Variants in BAALC observed in about 807,000 individuals in gnomAD.
The protein encoded by BAALC is BAALC binder of MAP3K1 and KLF4, also known as brain and acute leukemia cytoplasmic protein.
BAALC carries 9 observed loss-of-function variants against 15.5 expected under a neutral mutation model. The ratio of observed to expected loss-of-function variants is 0.58; its 90% CI spans 0.35 to 1.02. The LOEUF (loss-of-function observed/expected upper bound fraction) is 1.02, where lower values mean the gene tolerates loss of function less well. BAALC is among the 50% of genes least tolerant of loss of function. The pLI, the probability that BAALC is intolerant of heterozygous loss-of-function variation, is 0.02. For missense variants in BAALC, 201 were observed against 192.4 expected (o/e 1.04, Z -0.27); for synonymous variants, 80 against 74.6 (o/e 1.07, Z -0.37).
intron 2 of BAALC, among the ~76,000 whole-genome samples, chr8:103,222,111 A>C (rs971938434): frequency 5.3e-5 from 8 of 152,206 alleles, no homozygotes; most frequent in Non-Finnish European, 1.2e-4. Flanking sequence ...ATCTGCAGAA[A>C]GGAATGTTCA....
At chr8:103,187,076 C>G (rs1355200369) in intron 1 of BAALC, among the ~76,000 whole-genome samples, 1 of 152,112 alleles carries the variant, frequency 6.6e-6, no homozygotes, top group Non-Finnish European at 1.5e-5. Context: ...CCTATTTTTG[C>G]TTTTTCTTCT....
At chr8:103,193,238 C>G (rs749962258) in intron 1 of BAALC, among the ~76,000 whole-genome samples, 1 of 152,162 alleles carries the variant, frequency 6.6e-6, no homozygotes, top group Admixed American at 6.5e-5. Context: ...GTAAACAGAC[C>G]CTGATAGAGC....
chr8:103,208,306 T>C (rs1812374452), intron 1 of BAALC: 2 of 152,200 alleles, frequency 1.3e-5, no homozygotes, highest in South Asian at 4.1e-4. Flanking sequence ...AAGTCTAGAC[T>C]GGGGGGTTAA....
At chr8:103,192,264 C>G (rs1811987966) in intron 1 of BAALC, among the ~76,000 whole-genome samples, 2 of 152,184 alleles carry the variant, frequency 1.3e-5, no homozygotes, top group Non-Finnish European at 2.9e-5. Context: ...ATTGGTCAAG[C>G]TGGTCTCGAA....
In BAALC at chr8:103,182,133, G is replaced by C. The variant is rs1005807046; in HGVS notation, c.161-30786G>C. 3.9e-4 allele frequency among the ~76,000 whole-genome samples: 60 copies of C among 152,058 alleles called. 1 individual carries two copies. Among genetic ancestry groups the C allele is most frequent in the Non-Finnish European group, 5.3e-4 (36 of 67,990 alleles). On this transcript the variant is annotated intron_variant, in intron 1 of 2. Transcript: ENST00000309982. ...CTTTGCTGTTTCATATCCCACCCTG[G>C]TTTGCCACAGAATTAATTAGCCTCC...
intron 1 of BAALC, chr8:103,183,467 T>C (rs911472744): frequency 1.4e-5 from 10 of 702,858 alleles, no homozygotes; most frequent in Admixed American, 1.4e-4. Flanking sequence ...ACACACCATG[T>C]ACAGGTAAGA....
At chr8:103,207,768 AC>A (rs1272363201) in intron 1 of BAALC, among the ~76,000 whole-genome samples, 2 of 152,190 alleles carry the variant, frequency 1.3e-5, no homozygotes, top group African/African-American at 4.8e-5. Context: ...CTGGTCTCCT[AC>A]ACAGGACATA....
rs113996129 is a variant in BAALC, at chr8:103,180,523, T to C, written c.161-32396T>C. ...ACATCCAAAGCACCAACCTCACATG[T>C]TGTGGCAGTTACAGGAAGGAGGCTT... On this transcript the variant is annotated intron_variant, in intron 1 of 2. Coordinates refer to ENST00000309982, the MANE Select transcript of BAALC (RefSeq NM_024812.3). Among the ~76,000 whole-genome samples, 1,253 of 152,240 alleles carry C rather than the reference T, an allele frequency of 8.2e-3. 27 individuals carry two copies. The highest frequency in any genetic ancestry group is 0.029 in the African/African-American group (1,197 of 41,534).
chr8:103,222,284 A>G (rs34111666), intron 2 of BAALC, among the ~76,000 whole-genome samples: 52,648 of 152,016 alleles, frequency 0.35, 9,487 homozygotes, highest in African/African-American at 0.38. Flanking sequence ...AGGAAAACAG[A>G]GGAAAAAGGA....
chr8:103,173,287 A>G (rs1194283369), intron 1 of BAALC, among the ~76,000 whole-genome samples: 1 of 152,126 alleles, frequency 6.6e-6, no homozygotes, highest in Middle Eastern at 3.2e-3. Context: ...TGATGATTCA[A>G]TTCTCTCACC....
At chr8:103,160,949 A>G (rs2129904655) in intron 1 of BAALC, among the ~76,000 whole-genome samples, 1 of 152,290 alleles carries the variant, frequency 6.6e-6, no homozygotes, top group South Asian at 2.1e-4. Flanking sequence ...TCCTTTGGCA[A>G]CACCCTCACA....
chr8:103,223,954 T>C (rs76250516), intron 2 of BAALC, among the ~76,000 whole-genome samples: 1,725 of 152,318 alleles, frequency 0.011, 32 homozygotes, highest in African/African-American at 0.04. Context: ...TTCTATTCCA[T>C]GCCCCAGTCC....
rs560835511 is a variant in BAALC, at chr8:103,156,560, T to C, written c.160+15503T>C. 8.5e-5 allele frequency among the ~76,000 whole-genome samples: 13 copies of C among 152,334 alleles called. No homozygotes were observed. The South Asian group carries it at 2.7e-3, about 32-fold the overall frequency. On this transcript the variant is annotated intron_variant, in intron 1 of 2. Coordinates refer to ENST00000309982, the MANE Select transcript of BAALC (RefSeq NM_024812.3). Reference sequence around the variant, plus strand: ...TTTAGAGAGTTGGGTGCAGCTACCATGGCCTGAGTTGTTTTCTCAGCTGAA... The same window carrying C: ...TTTAGAGAGTTGGGTGCAGCTACCACGGCCTGAGTTGTTTTCTCAGCTGAA...
intron 1 of BAALC, among the ~76,000 whole-genome samples, chr8:103,157,645 A>T (rs1811127235): frequency 6.6e-6 from 1 of 152,038 alleles, no homozygotes; most frequent in Non-Finnish European, 1.5e-5. Context: ...TCATCTCTAT[A>T]AAAAAATTAT....
In BAALC at chr8:103,198,378, A is replaced by G. The variant is rs150784152; in HGVS notation, c.161-14541A>G. Among the ~76,000 whole-genome samples, 86 of 152,274 alleles carry G rather than the reference A, an allele frequency of 5.6e-4. 1 individual carries two copies. In the East Asian group the frequency reaches 0.015, roughly 26 times the overall value. On this transcript the variant is annotated intron_variant, in intron 1 of 2. Coordinates refer to ENST00000309982, the MANE Select transcript of BAALC (RefSeq NM_024812.3). ...AAAAGACAAAATGTGACATGGCTCT[A>G]TTTCTTAAAAATCATTCTTATTTCA...
chr8:103,221,207 T>C (rs1389709413), intron 2 of BAALC, among the ~76,000 whole-genome samples: 1 of 152,242 alleles, frequency 6.6e-6, no homozygotes, highest in African/African-American at 2.4e-5. Context: ...GGCAGGCTAC[T>C]TTTAATTAAA....
At chr8:103,220,511 C>A (rs1359781386) in intron 2 of BAALC, among the ~76,000 whole-genome samples, 1 of 152,124 alleles carries the variant, frequency 6.6e-6, no homozygotes. Context: ...TATTATGCGA[C>A]AGGCACTAAA....
chr8:103,187,776 C>T (rs545515702), intron 1 of BAALC, among the ~76,000 whole-genome samples: 11 of 152,098 alleles, frequency 7.2e-5, no homozygotes, highest in African/African-American at 2.7e-4. Context: ...GAGTTATTTT[C>T]GTGAGACCCC....
intron 1 of BAALC, among the ~76,000 whole-genome samples, chr8:103,159,780 T>C (rs911490697): frequency 3.3e-5 from 5 of 152,126 alleles, no homozygotes; most frequent in Non-Finnish European, 7.4e-5. Context: ...TATAGGCTCA[T>C]TCTTTTATTT....
Sources: allele counts gnomAD v4.1 joint callset (sites outside exome capture counted in the v4.1 genomes callset), GRCh38; gene constraint gnomAD v4.1.1; transcripts MANE v1.5; gene names NCBI Gene and HGNC (gene_info 2026-07-23, HGNC 2026-07-21).